LRP1B: variants seen among roughly 807,000 people sequenced by gnomAD.
LRP1B encodes the protein LDL receptor related protein 1B.
In LRP1B, 217 loss-of-function variants were observed where a neutral mutation model predicts 556.6. That is an observed-to-expected ratio of 0.39 (90% CI 0.35 to 0.44). LRP1B has a LOEUF of 0.44. Among genes scored for constraint, LRP1B ranks in the 20% least tolerant of loss-of-function variants. The pLI is 1.00. For missense variants in LRP1B, 5,053 were observed against 5,620.8 expected (o/e 0.90, Z 3.23); for synonymous variants, 2,047 against 1,865.8 (o/e 1.10, Z -2.50).
At chr2:141,119,265 T>A (rs1173772863) in intron 7 of LRP1B, among the ~76,000 whole-genome samples, 1 of 151,884 alleles carries the variant, frequency 6.6e-6, no homozygotes, top group Non-Finnish European at 1.5e-5. Context: ...CCTTCTAAAC[T>A]GAAAAGGAAT....
At chr2:142,112,935 T>A (rs887655261) in intron 1 of LRP1B, among the ~76,000 whole-genome samples, 23 of 152,164 alleles carry the variant, frequency 1.5e-4, no homozygotes, top group African/African-American at 5.6e-4. Context: ...TATTTGTAAT[T>A]CCATTCTCTT....
intron 2 of LRP1B, among the ~76,000 whole-genome samples, chr2:141,621,423 T>A (rs1171899533): frequency 1.3e-5 from 2 of 152,172 alleles, no homozygotes; most frequent in African/African-American, 4.8e-5. Flanking sequence ...TAGAATTAAA[T>A]ACAGAGATGA....
Position 140,461,075 on chromosome 2 carries a change from A to G in LRP1B, c.9626-3424T>C, listed in dbSNP as rs1456602603. ...AAGAGTCTGACTCAAAAAAGAAAAAAAAAAAAAAAGAAAGAAAGAAAGAAA... is the reference window on the plus strand; with the variant it reads ...AAGAGTCTGACTCAAAAAAGAAAAAGAAAAAAAAAGAAAGAAAGAAAGAAA... On this transcript the variant is annotated intron_variant, in intron 60 of 90. Coordinates refer to ENST00000389484, the MANE Select transcript of LRP1B (RefSeq NM_018557.3). 6.6e-5 allele frequency among the ~76,000 whole-genome samples: 10 copies of G among 151,536 alleles called. 1 individual carries two copies. The highest frequency in any genetic ancestry group is 2.4e-4 in the African/African-American group (10 of 41,336).
chr2:140,385,898 T>A lies in LRP1B; in HGVS notation c.10526A>T (p.Asn3509Ile). Residue 3509 changes from asparagine to isoleucine, a missense_variant, in exon 67 of 91, where the codon AAC (asparagine) becomes ATC (isoleucine). Physicochemically the swap from Asn to Ile is moderately radical, Grantham distance 149. Transcript: ENST00000389484. ...NDCSDNSDEE[N>I]CKPQTCTLKD... ...ATTAGGCAAGAGTTACTTACTACAG[T>A]TTTCTTCATCTGAATTATCACTGCA... 6.2e-7 allele frequency: 1 copy of A among 1,603,212 alleles called. No homozygotes were observed. Among genetic ancestry groups the A allele is most frequent in the Non-Finnish European group, 8.5e-7 (1 of 1,170,286 alleles).
At chr2:141,829,942 G>C (rs1013725938) in intron 1 of LRP1B, among the ~76,000 whole-genome samples, 1 of 151,904 alleles carries the variant, frequency 6.6e-6, no homozygotes, top group African/African-American at 2.4e-5. Flanking sequence ...TATAATTTTA[G>C]ATGGTTTGGG....
rs139778082 is a variant in LRP1B at position 140,257,670 on chromosome 2, C to T, written c.13248-10508G>A. Among the ~76,000 whole-genome samples, 930 of 152,210 alleles carry T rather than the reference C, an allele frequency of 6.1e-3. 6 individuals carry two copies. Among genetic ancestry groups the T allele is most frequent in the African/African-American group, 0.021 (867 of 41,554 alleles). ...TAGACATTGATGTGACAGTTTTTCT[C>T]GGACTTTACTGCTCCAAAAGACATG... On this transcript the variant is annotated intron_variant, in intron 86 of 90. Transcript: ENST00000389484.
At chr2:141,806,000 G>A (rs554957874) in intron 2 of LRP1B, among the ~76,000 whole-genome samples, 20 of 152,154 alleles carry the variant, frequency 1.3e-4, no homozygotes, top group African/African-American at 4.8e-4. Context: ...AGGGGAATGG[G>A]CAGGAAGTAG....
At chr2:141,324,414 G>C (rs776130180) in intron 3 of LRP1B, among the ~76,000 whole-genome samples, 1 of 152,060 alleles carries the variant, frequency 6.6e-6, no homozygotes, top group East Asian at 1.9e-4. Flanking sequence ...TTTTGCTCCT[G>C]TCATGTTATT....
intron 9 of LRP1B, among the ~76,000 whole-genome samples, chr2:141,057,740 T>C (rs1213226854): frequency 2.0e-5 from 3 of 151,904 alleles, no homozygotes; most frequent in African/African-American, 7.2e-5. Flanking sequence ...ATTAAACCTC[T>C]TTCTTTTGTA....
At chr2:141,830,117 A>G (rs1364100356) in intron 1 of LRP1B, among the ~76,000 whole-genome samples, 1 of 151,962 alleles carries the variant, frequency 6.6e-6, no homozygotes, top group East Asian at 1.9e-4. Flanking sequence ...ATTCATTAAA[A>G]TCATATTATA....
chr2:141,148,915 C>A (rs1701852147), intron 7 of LRP1B, among the ~76,000 whole-genome samples: 1 of 152,048 alleles, frequency 6.6e-6, no homozygotes, highest in Non-Finnish European at 1.5e-5. Context: ...GAAACCCAGT[C>A]TCTACTAAAA....
intron 1 of LRP1B, among the ~76,000 whole-genome samples, chr2:141,902,411 G>A (rs886808435): frequency 3.0e-4 from 46 of 151,952 alleles, no homozygotes; most frequent in African/African-American, 1.1e-3. Context: ...GCAGAGATTA[G>A]TTAAAATCCA....
intron 66 of LRP1B, among the ~76,000 whole-genome samples, chr2:140,438,028 GT>G (rs201486953): frequency 0.012 from 1,791 of 152,074 alleles, 36 homozygotes; most frequent in African/African-American, 0.041. Context: ...TTGATTGTTT[GT>G]TTTTTCTGAG....
At chr2:141,325,740 A>G (rs1573808593) in intron 3 of LRP1B, among the ~76,000 whole-genome samples, 1 of 152,280 alleles carries the variant, frequency 6.6e-6, no homozygotes, top group South Asian at 2.1e-4. Context: ...AGGAAGCGGA[A>G]TTGAGTTGGC....
chr2:140,918,360 T>G (rs1281351151), intron 21 of LRP1B, among the ~76,000 whole-genome samples: 1 of 152,120 alleles, frequency 6.6e-6, no homozygotes, highest in Non-Finnish European at 1.5e-5. Context: ...TTAAGTTTAT[T>G]AAACACATTT....
Position 141,378,156 on chromosome 2 carries a change from C to T in LRP1B, c.343+102240G>A, listed in dbSNP as rs560854207. ...TTGAAGAAAGGAAATAATCTGATTT[C>T]CAGAGTTACCATATTATAATATTCA... is the stretch of plus-strand genomic sequence containing the variant. On this transcript the variant is annotated intron_variant, in intron 3 of 90. Coordinates refer to ENST00000389484, the MANE Select transcript of LRP1B (RefSeq NM_018557.3). Among the ~76,000 whole-genome samples, 86 of 152,172 alleles carry T rather than the reference C, an allele frequency of 5.7e-4. 1 individual carries two copies. The South Asian group carries it at 7.3e-3, about 13-fold the overall frequency.
chr2:141,646,120 T>G (rs1193985440), intron 2 of LRP1B, among the ~76,000 whole-genome samples: 2 of 152,120 alleles, frequency 1.3e-5, no homozygotes, highest in Admixed American at 1.3e-4. Context: ...CCAAATTTCT[T>G]CTCCCAGTTC....
chr2:141,357,294 T>C (rs1688663391), intron 3 of LRP1B, among the ~76,000 whole-genome samples: 1 of 152,102 alleles, frequency 6.6e-6, no homozygotes. Context: ...GACCTTGTGA[T>C]CCACCTGCCT....
At chr2:140,389,110 T>C (rs1344334160) in intron 66 of LRP1B, among the ~76,000 whole-genome samples, 2 of 150,116 alleles carry the variant, frequency 1.3e-5, no homozygotes, top group Admixed American at 1.3e-4. Flanking sequence ...TCAAGTATTA[T>C]AAGTATGGAG....
Sources: allele counts gnomAD v4.1 joint callset (sites outside exome capture counted in the v4.1 genomes callset), GRCh38; gene constraint gnomAD v4.1.1; transcripts MANE v1.5; gene names NCBI Gene and HGNC (gene_info 2026-07-23, HGNC 2026-07-21).